The following ASIC4 variants were observed in gnomAD, a reference collection of about 807,000 sequenced individuals.
The protein encoded by ASIC4 is acid sensing ion channel subunit family member 4.
In ASIC4, 28 loss-of-function variants were observed where a neutral mutation model predicts 53.4. That is an observed-to-expected ratio of 0.52 (90% CI 0.39 to 0.72). ASIC4 has a LOEUF of 0.72. ASIC4 is among the 30% of genes least tolerant of loss of function. The probability of loss-of-function intolerance (pLI) is 0.00; values close to 1 mark genes in which losing one functional copy is unlikely to be tolerated. For missense variants in ASIC4, 649 were observed against 729.7 expected (o/e 0.89, Z 1.27); for synonymous variants, 289 against 301.4 (o/e 0.96, Z 0.43).
At chr2:219,520,869 G>A (rs149559518) in intron 1 of ASIC4, among the ~76,000 whole-genome samples, 3 of 152,354 alleles carry the variant, frequency 2.0e-5, no homozygotes, top group Non-Finnish European at 4.4e-5. Context: ...CTTGAAGGAC[G>A]CAGCTGCTTC....
the ASIC4 span, among the ~76,000 whole-genome samples, chr2:219,508,461 G>A: frequency 5.9e-5 from 9 of 152,116 alleles, no homozygotes; most frequent in Admixed American, 3.9e-4. Context: ...AGTGTTTGAA[G>A]GGGGGTGCCG....
chr2:219,531,313 C>G (rs1695036939), intron 1 of ASIC4, among the ~76,000 whole-genome samples: 1 of 152,036 alleles, frequency 6.6e-6, no homozygotes, highest in African/African-American at 2.4e-5. Context: ...CTGCTGTGAG[C>G]CGAGATCGTG....
chr2:219,527,411 C>A (rs1477566280), intron 1 of ASIC4, among the ~76,000 whole-genome samples: 3 of 152,244 alleles, frequency 2.0e-5, no homozygotes, highest in African/African-American at 4.8e-5. Flanking sequence ...TGCCAAGGAA[C>A]CACCACCCTC....
Position 219,532,598 on chromosome 2 carries a change from T to C in ASIC4, c.1018+121T>C, listed in dbSNP as rs997618298. The C allele has an allele frequency of 9.0e-6, 12 of 1,338,950 alleles. 1 individual carries two copies. Among genetic ancestry groups the C allele is most frequent in the East Asian group, 7.4e-5 (3 of 40,570 alleles). 82.9% of individuals were successfully genotyped at this position (1,338,950 alleles called of 1,614,324 possible). A position where few individuals can be genotyped will look rare whatever the true frequency, so the allele number is the denominator to read the frequency against. On this transcript the variant is annotated intron_variant, in intron 4 of 9. Transcript: ENST00000358078. Reference sequence around the variant, plus strand: ...TGTATACAACATGTGTATGTGTCTGTACCCGTGTGAGTGTGAGTGTTTGGG... The same window carrying C: ...TGTATACAACATGTGTATGTGTCTGCACCCGTGTGAGTGTGAGTGTTTGGG...
chr2:219,538,115 C>A lies in ASIC4; in HGVS notation c.*69C>A. 3 of 1,334,038 alleles carry A rather than the reference C, an allele frequency of 2.2e-6. No individual in the cohort carries two copies. Among genetic ancestry groups the A allele is most frequent in the Admixed American group, 2.0e-5 (1 of 50,974 alleles). 82.6% of individuals were successfully genotyped at this position (1,334,038 alleles called of 1,614,324 possible). On this transcript the variant is annotated 3_prime_UTR_variant, in exon 10 of 10. Coordinates refer to ENST00000358078, the MANE Select transcript of ASIC4 (RefSeq NM_018674.6). ...CTGGGATCCCCAGCACATTCTCCTGCTCCTGGGAGAGGCCTGGGGGCGGTG... is the reference window on the plus strand; with the variant it reads ...CTGGGATCCCCAGCACATTCTCCTGATCCTGGGAGAGGCCTGGGGGCGGTG...
Position 219,531,914 on chromosome 2 carries a change from G to T in ASIC4, c.727+12G>T. 1 of 1,611,056 alleles carries T rather than the reference G, an allele frequency of 6.2e-7. No homozygotes were observed. Among genetic ancestry groups the T allele is most frequent in the South Asian group, 1.1e-5 (1 of 90,730 alleles). ...CTGGAGGGAGACAAGTACGCAGGCC[G>T]GAAAGGGACAAGGGCCACCTTGGGG... is the stretch of plus-strand genomic sequence containing the variant. On this transcript the variant is annotated intron_variant, in intron 2 of 9. Coordinates refer to ENST00000358078, the MANE Select transcript of ASIC4 (RefSeq NM_018674.6).
chr2:219,514,369 C>T (rs1377309040), upstream of ASIC4: 7 of 1,545,934 alleles, frequency 4.5e-6, no homozygotes, highest in African/African-American at 1.4e-5. Context: ...GCTGGGGCTG[C>T]GCGGCGTGGC....
In ASIC4 at chr2:219,536,177, C is replaced by T. The variant is rs1468250545; in HGVS notation, c.1229+853C>T. ...GTCCAAACACCTTTCATCTGAGTTC[C>T]CAGCACCCGTACAGATCTCTGTCAT... is the stretch of plus-strand genomic sequence containing the variant. On this transcript the variant is annotated intron_variant, in intron 6 of 9. Coordinates refer to ENST00000358078, the MANE Select transcript of ASIC4 (RefSeq NM_018674.6). The surrounding 1 kb of genome is among the most constrained non-coding windows in gnomAD (Gnocchi z 4.6). Among the ~76,000 whole-genome samples the T allele has an allele frequency of 1.3e-5, 2 of 152,194 alleles. No individual in the cohort carries two copies. Among genetic ancestry groups the T allele is most frequent in the African/African-American group, 4.8e-5 (2 of 41,442 alleles).
At position 219,537,913 on chromosome 2, in the gene ASIC4, C is replaced by A. The variant is rs770495528; in HGVS notation, c.1507-20C>A. 6.3e-7 allele frequency: 1 copy of A among 1,581,330 alleles called. No individual in the cohort carries two copies. The highest frequency in any genetic ancestry group is 1.3e-5 in the African/African-American group (1 of 74,552). ...ACTTGAGCTCTCCCGGTCCCACTCT[C>A]TCTTTTCTTTCTCCTGCAGAGTCCC... On this transcript the variant is annotated intron_variant, in intron 9 of 9. Transcript: ENST00000358078. The surrounding 1 kb of genome is among the most constrained non-coding windows in gnomAD (Gnocchi z 4.9).
At chr2:219,535,425 G>A in intron 6 of ASIC4, 101 bp downstream of exon 6, 2 of 1,323,310 alleles carry the variant, frequency 1.5e-6, no homozygotes, top group South Asian at 1.5e-5. Flanking sequence ...GTGAGTGTAT[G>A]TGTGTATGTG....
chr2:219,512,470 T>TA (rs200322339), upstream of ASIC4, among the ~76,000 whole-genome samples: 2,142 of 151,084 alleles, frequency 0.014, 33 homozygotes, highest in African/African-American at 0.036. Context: ...AATCACCTTT[T>TA]AAAAAAAACA....
chr2:219,533,035 C>A, intron 5 of ASIC4, 96 bp downstream of exon 5: 1 of 1,345,696 alleles, frequency 7.4e-7, no homozygotes, highest in Non-Finnish European at 1.1e-6. Context: ...CTCCCAATCT[C>A]TTCCTGGAGG....
At chr2:219,508,485 G>C in the ASIC4 span, among the ~76,000 whole-genome samples, 12 of 152,136 alleles carry the variant, frequency 7.9e-5, no homozygotes, top group South Asian at 2.5e-3. Context: ...GCAAAGCTGA[G>C]GTCTTTGTAA....
chr2:219,534,344 C>T (rs1055331666), intron 5 of ASIC4, among the ~76,000 whole-genome samples: 3 of 152,222 alleles, frequency 2.0e-5, no homozygotes, highest in Non-Finnish European at 2.9e-5. Flanking sequence ...CAAGGCACAG[C>T]GGTAGACCAC....
chr2:219,507,772 G>C, the ASIC4 span, among the ~76,000 whole-genome samples: 1 of 152,148 alleles, frequency 6.6e-6, no homozygotes, highest in Non-Finnish European at 1.5e-5. Context: ...TACCCGAAGA[G>C]AATGGGGGGT....
rs534206445 is a variant in ASIC4, at chr2:219,522,558, G to C, written c.582+7252G>C. 4.5e-3 allele frequency among the ~76,000 whole-genome samples: 682 copies of C among 152,288 alleles called. 3 individuals carry two copies. The highest frequency in any genetic ancestry group is 6.1e-3 in the Non-Finnish European group (416 of 68,016). On this transcript the variant is annotated intron_variant, in intron 1 of 9. Coordinates refer to ENST00000358078, the MANE Select transcript of ASIC4 (RefSeq NM_018674.6). Reference sequence around the variant, plus strand: ...TTCTGGTCGCAGCCTCCCGGGCCTCGTGCTGATCATGTCTCACTCCCGCCT... The same window carrying C: ...TTCTGGTCGCAGCCTCCCGGGCCTCCTGCTGATCATGTCTCACTCCCGCCT...
chr2:219,537,265 C>T lies in ASIC4; in HGVS notation c.1345C>T (p.Leu449=). The part of the protein sequence containing the change: ...LLGDLGGQMG[L]FIGASILTLL... ...AGGAGACCTCGGGGGACAGATGGGC[C>T]TGTTCATTGGGGCCAGCATCCTCAC... The change falls in exon 8 of 10, where the codon CTG becomes TTG. Residue 449 remains leucine (L), a synonymous_variant. Coordinates refer to ENST00000358078, the MANE Select transcript of ASIC4 (RefSeq NM_018674.6). This position sits in a 1 kb window ranked among gnomAD's most constrained non-coding sequence, Gnocchi z 4.9. The T allele has an allele frequency of 1.9e-6, 3 of 1,613,858 alleles. No individual in the cohort carries two copies. Among genetic ancestry groups the T allele is most frequent in the Non-Finnish European group, 2.5e-6 (3 of 1,179,930 alleles).
At chr2:219,522,672 G>A (rs1489796795) in intron 1 of ASIC4, among the ~76,000 whole-genome samples, 2 of 151,988 alleles carry the variant, frequency 1.3e-5, no homozygotes, top group African/African-American at 4.8e-5. Context: ...GGCCGCTTCA[G>A]GCCCGCCAGC....
At chr2:219,524,291 A>T (rs1312133288) in intron 1 of ASIC4, among the ~76,000 whole-genome samples, 1 of 152,214 alleles carries the variant, frequency 6.6e-6, no homozygotes, top group Non-Finnish European at 1.5e-5. Context: ...GTGTTGTTTG[A>T]ACATTCACCA....
Sources: allele counts gnomAD v4.1 joint callset (sites outside exome capture counted in the v4.1 genomes callset), GRCh38; gene constraint gnomAD v4.1.1; non-coding constraint Gnocchi (gnomAD v3.1); transcripts MANE v1.5; gene names NCBI Gene and HGNC (gene_info 2026-07-23, HGNC 2026-07-21).